NEK10: variants seen among roughly 807,000 people sequenced by gnomAD.
NEK10 encodes NIMA related kinase 10, also known as serine/threonine-protein kinase Nek10.
A neutral mutation model predicts 159.8 loss-of-function variants in NEK10; 122 were observed. The ratio of observed to expected loss-of-function variants is 0.76; its 90% CI spans 0.66 to 0.89. The LOEUF (loss-of-function observed/expected upper bound fraction) is 0.89, where lower values mean the gene tolerates loss of function less well. NEK10 is among the 40% of genes least tolerant of loss of function. The probability of loss-of-function intolerance (pLI) is 0.00; values close to 1 mark genes in which losing one functional copy is unlikely to be tolerated. For synonymous variants in NEK10, 466 were observed against 457.1 expected, an observed-to-expected ratio of 1.02 and a Z score of -0.25; for missense variants, 1,342 against 1,323.1, an observed-to-expected ratio of 1.01 and a Z score of -0.22.
chr3:27,343,321 T>G (rs139354219), intron 5 of NEK10, among the ~76,000 whole-genome samples: 1 of 152,350 alleles, frequency 6.6e-6, no homozygotes, highest in Non-Finnish European at 1.5e-5. Context: ...GTCAGAATGC[T>G]GTTCTACTTA....
In NEK10 at chr3:27,285,523, A is replaced by AC. The variant is rs1370549993; in HGVS notation, c.1790-563_1790-562insG. 3.3e-3 allele frequency among the ~76,000 whole-genome samples: 404 copies of AC among 123,084 alleles called. 4 individuals are homozygous for AC. Among genetic ancestry groups the AC allele is most frequent in the African/African-American group, 0.015 (390 of 25,580 alleles). 80.7% of individuals were successfully genotyped at this position (123,084 alleles called of 152,430 possible). Reference sequence around the variant, plus strand: ...TTCTGTTATGTCTTTCAAAAGCAAAAAAAAAAAAACAAACAAACAAACAAA... The same window carrying AC: ...TTCTGTTATGTCTTTCAAAAGCAAAACAAAAAAAAACAAACAAACAAACAAA... On this transcript the variant is annotated intron_variant, in intron 20 of 35. Transcript: ENST00000691995.
At chr3:27,149,181 C>T (rs1944592193) in intron 30 of NEK10, among the ~76,000 whole-genome samples, 1 of 151,862 alleles carries the variant, frequency 6.6e-6, no homozygotes. Flanking sequence ...CTTCTGATTA[C>T]TTATGCAGTT....
At chr3:27,133,538 G>A (rs1487016866) in intron 31 of NEK10, among the ~76,000 whole-genome samples, 1 of 152,182 alleles carries the variant, frequency 6.6e-6, no homozygotes, top group African/African-American at 2.4e-5. Context: ...ACTTTGGGAG[G>A]CCGAGGCAGG....
chr3:27,282,048 T>C (rs1300139968), intron 22 of NEK10, among the ~76,000 whole-genome samples: 3 of 152,132 alleles, frequency 2.0e-5, no homozygotes. Flanking sequence ...CGAACAATAA[T>C]TACACAGCAG....
chr3:27,296,902 T>C (rs2043393624), intron 14 of NEK10, among the ~76,000 whole-genome samples: 1 of 152,154 alleles, frequency 6.6e-6, no homozygotes, highest in Non-Finnish European at 1.5e-5. Flanking sequence ...CAATTCAGAG[T>C]ATCCCTTTTA....
At chr3:27,291,641 C>T (rs1344649183) in intron 16 of NEK10, 55 bp from the exon 17 acceptor site, 1 of 1,013,832 alleles carries the variant, frequency 9.9e-7, no homozygotes, top group African/African-American at 1.6e-5. Context: ...TTGATCATTA[C>T]TTCCCTTTTT....
intron 25 of NEK10, among the ~76,000 whole-genome samples, chr3:27,192,887 AAAG>A (rs1196385840): frequency 6.6e-6 from 1 of 152,188 alleles, no homozygotes; most frequent in Non-Finnish European, 1.5e-5. Flanking sequence ...AAGGCACCAC[AAAG>A]AAGATGCAGT....
At chr3:27,190,351 C>T (rs1400622158) in intron 26 of NEK10, among the ~76,000 whole-genome samples, 4 of 152,072 alleles carry the variant, frequency 2.6e-5, no homozygotes, top group Admixed American at 2.0e-4. Context: ...CTGGGATTTA[C>T]TTCAAAATAA....
chr3:27,173,475 G>A (rs1947204370), intron 28 of NEK10, among the ~76,000 whole-genome samples: 1 of 152,196 alleles, frequency 6.6e-6, no homozygotes, highest in East Asian at 1.9e-4. Flanking sequence ...ACACCTAGAA[G>A]GCAGGGATCT....
intron 22 of NEK10, among the ~76,000 whole-genome samples, chr3:27,273,271 T>G (rs1165599895): frequency 4.9e-4 from 74 of 152,142 alleles, no homozygotes; most frequent in Admixed American, 4.8e-3. Context: ...AAACTACTCA[T>G]CCTTGTACAG....
chr3:27,245,576 G>A (rs1179608580), intron 23 of NEK10, among the ~76,000 whole-genome samples: 3 of 152,178 alleles, frequency 2.0e-5, no homozygotes, highest in Admixed American at 6.5e-5. Context: ...GGACTGCCCA[G>A]CCAAGCCAAT....
intron 31 of NEK10, among the ~76,000 whole-genome samples, chr3:27,137,759 G>A (rs1029658176): frequency 6.6e-6 from 1 of 152,106 alleles, no homozygotes; most frequent in Admixed American, 6.5e-5. Flanking sequence ...CAGCCATCGG[G>A]AAAGAAAAAA....
intron 12 of NEK10, 105 bp from the exon 13 acceptor site, chr3:27,301,940 G>A (rs2043857753): frequency 4.8e-6 from 4 of 831,948 alleles, no homozygotes; most frequent in Non-Finnish European, 7.7e-6. Context: ...GGTCATGAAG[G>A]CATCATTATT....
intron 5 of NEK10, among the ~76,000 whole-genome samples, chr3:27,340,208 A>C (rs1468925395): frequency 6.6e-6 from 1 of 152,186 alleles, no homozygotes; most frequent in African/African-American, 2.4e-5. Flanking sequence ...TCCTTTGCAG[A>C]GACATGGATG....
At chr3:27,135,331 T>C (rs141613952) in intron 31 of NEK10, among the ~76,000 whole-genome samples, 47 of 152,302 alleles carry the variant, frequency 3.1e-4, no homozygotes, top group African/African-American at 1.1e-3. Flanking sequence ...AGCTCCCCCA[T>C]CTTACAAATG....
chr3:27,338,398 C>T (rs916954459), intron 5 of NEK10, among the ~76,000 whole-genome samples: 7 of 152,100 alleles, frequency 4.6e-5, no homozygotes, highest in African/African-American at 1.7e-4. Context: ...AATAAACATA[C>T]CTGTGCATGT....
chr3:27,323,903 C>A (rs544002215), intron 5 of NEK10, among the ~76,000 whole-genome samples: 2 of 152,356 alleles, frequency 1.3e-5, no homozygotes, highest in African/African-American at 2.4e-5. Flanking sequence ...TTGCACCCAG[C>A]AGCTAGCAGC....
At chr3:27,300,630 T>C (rs1411797100) in intron 13 of NEK10, among the ~76,000 whole-genome samples, 2 of 152,204 alleles carry the variant, frequency 1.3e-5, no homozygotes, top group Non-Finnish European at 2.9e-5. Flanking sequence ...AGGCTCCTTG[T>C]GCCCCTTCTC....
At chr3:27,210,930 T>A (rs1950952691) in intron 23 of NEK10, among the ~76,000 whole-genome samples, 1 of 152,168 alleles carries the variant, frequency 6.6e-6, no homozygotes, top group Admixed American at 6.5e-5. Context: ...CTAAAACCAA[T>A]CCATTATTTG....
Sources: gnomAD v4.1 joint callset for allele counts (sites outside exome capture counted in the v4.1 genomes callset) on GRCh38, gnomAD v4.1.1 for gene constraint, MANE v1.5 for transcripts, NCBI Gene and HGNC (gene_info 2026-07-23, HGNC 2026-07-21) for gene names.